The following CCDC163 variants were observed in gnomAD, a reference collection of about 807,000 sequenced individuals.
CCDC163 encodes the protein CCDC163 homolog.
In CCDC163, 13 loss-of-function variants were observed where a neutral mutation model predicts 8.2. That is an observed-to-expected ratio of 1.59 (90% CI 1.04 to 2.54). The LOEUF (loss-of-function observed/expected upper bound fraction) is 2.54, where lower values mean the gene tolerates loss of function less well. CCDC163 is among the 30% of genes most tolerant of loss of function. The pLI, the probability that CCDC163 is intolerant of heterozygous loss-of-function variation, is 0.00. For synonymous variants in CCDC163, 41 were observed against 30.9 expected (o/e 1.33, Z -1.08); for missense variants, 117 against 78.6 (o/e 1.49, Z -1.85).
chr1:45,498,014 C>G (rs1293580021), intron 2 of CCDC163, among the ~76,000 whole-genome samples: 1 of 149,738 alleles, frequency 6.7e-6, no homozygotes, highest in Non-Finnish European at 1.5e-5. Flanking sequence ...ACATGGGAGA[C>G]TTTTCATTTT....
Position 45,494,231 on chromosome 1 carries a change from G to C in CCDC163, c.*828C>G, listed in dbSNP as rs1288400303. On this transcript the variant is annotated 3_prime_UTR_variant, in exon 5 of 5. Coordinates refer to ENST00000629482, the MANE Select transcript of CCDC163 (RefSeq NM_001102601.3). ...AACACTTTGGGAGGCCAAAGTTGGTGGATCAGTTGAGCCCAGGAGTTCGAG... is the reference window on the plus strand; with the variant it reads ...AACACTTTGGGAGGCCAAAGTTGGTCGATCAGTTGAGCCCAGGAGTTCGAG... 6.6e-6 allele frequency: 1 copy of C among 152,110 alleles called. No homozygotes were observed. Among genetic ancestry groups the C allele is most frequent in the Non-Finnish European group, 1.5e-5 (1 of 68,052 alleles). 9.4% of individuals were successfully genotyped at this position (152,110 alleles called of 1,614,324 possible).
intron 2 of CCDC163, among the ~76,000 whole-genome samples, chr1:45,497,717 AGCCCCCCGCCAGGCCAGCCGCCCCGTCTG>A (rs1643371350): frequency 2.7e-5 from 1 of 36,936 alleles, no homozygotes; most frequent in Non-Finnish European, 5.3e-5. Context: ...GGAGGGGGTC[AGCCCCCCGCCAGGCCAGCCGCCCCGTCTG>A]GGAGGGAGGT....
chr1:45,497,855 C>T (rs61788334), intron 2 of CCDC163, among the ~76,000 whole-genome samples: 3 of 146,932 alleles, frequency 2.0e-5, no homozygotes, highest in African/African-American at 5.1e-5. Flanking sequence ...CCCCTCTGCC[C>T]GGCCACCACC....
At chr1:45,499,163 TCCAGGTCCCAG>T (rs1199814607) in intron 2 of CCDC163, among the ~76,000 whole-genome samples, 171 bp downstream of exon 2, 1 of 152,052 alleles carries the variant, frequency 6.6e-6, no homozygotes, top group African/African-American at 2.4e-5. Flanking sequence ...TGAGAGGAAA[TCCAGGTCCCAG>T]CCAGGTCCCC....
intron 2 of CCDC163, among the ~76,000 whole-genome samples, chr1:45,497,908 G>A (rs369829302): frequency 2.0e-5 from 3 of 147,284 alleles, no homozygotes; most frequent in Non-Finnish European, 4.5e-5. Context: ...GAACGGGCCA[G>A]GATGACAATG....
intron 4 of CCDC163, chr1:45,496,272 A>T (rs939556306): frequency 6.1e-6 from 3 of 495,512 alleles, no homozygotes; most frequent in South Asian, 5.9e-5. Flanking sequence ...CATCTGCCAG[A>T]TCATGGGCTC....
intron 2 of CCDC163, among the ~76,000 whole-genome samples, chr1:45,497,630 G>A (rs1481556384): frequency 4.8e-4 from 53 of 110,194 alleles, no homozygotes; most frequent in African/African-American, 6.5e-4. Context: ...CGAGACTGCA[G>A]CCTCTGCCCG....
intron 2 of CCDC163, among the ~76,000 whole-genome samples, chr1:45,497,693 T>A (rs1415079302): frequency 9.5e-5 from 5 of 52,650 alleles, no homozygotes; most frequent in East Asian, 4.4e-4. Context: ...AGCCACCCCG[T>A]CCGGGAGGGA....
In CCDC163 at chr1:45,495,405, T is replaced by C. The variant is rs1226905488; in HGVS notation, c.331-239A>G. 7 of 702,844 alleles carry C rather than the reference T, an allele frequency of 1.0e-5. No individual in the cohort carries two copies. The East Asian group carries it at 1.9e-4, about 19-fold the overall frequency. The allele number at this position is 702,844 out of a possible 1,614,324, so 43.5% of individuals were successfully genotyped here. ...GCCTCCCCCAAAACGGGAATCCTTG[T>C]CCTTATCCTTACCTGGCTTCCATAA... On this transcript the variant is annotated intron_variant, in intron 4 of 4. Transcript: ENST00000629482.
At chr1:45,498,255 G>C (rs1643414998) in intron 2 of CCDC163, among the ~76,000 whole-genome samples, 1 of 151,934 alleles carries the variant, frequency 6.6e-6, no homozygotes, top group African/African-American at 2.4e-5. Flanking sequence ...GAAGGCCGCA[G>C]GGTCCTCTGC....
In CCDC163 at chr1:45,499,740, C is replaced by T. The variant is rs1643490515; in HGVS notation, c.-131G>A. On this transcript the variant is annotated 5_prime_UTR_variant, in exon 1 of 5. Transcript: ENST00000629482. ...TGGAAAGAGGGAAGTGGGGATGCAA[C>T]ACTGGGGTAGGTGGATGCACTATCA... 3.1e-6 allele frequency: 2 copies of T among 645,384 alleles called. No individual in the cohort carries two copies. The highest frequency in any genetic ancestry group is 2.7e-5 in the East Asian group (1 of 36,856). 40.0% of individuals were successfully genotyped at this position (645,384 alleles called of 1,614,324 possible).
At chr1:45,498,977 C>T (rs1053331355) in intron 2 of CCDC163, among the ~76,000 whole-genome samples, 2 of 152,200 alleles carry the variant, frequency 1.3e-5, no homozygotes, top group African/African-American at 2.4e-5. Flanking sequence ...ATATACACAC[C>T]AAGGATTCCA....
intron 2 of CCDC163, 55 bp downstream of exon 2, chr1:45,499,290 T>C: frequency 1.4e-6 from 1 of 731,408 alleles, no homozygotes; most frequent in Non-Finnish European, 2.5e-6. Flanking sequence ...ATACGGGCAC[T>C]GGAGGAAGGC....
intron 4 of CCDC163, 52 bp from the exon 5 acceptor site, chr1:45,495,218 T>C: frequency 1.3e-6 from 1 of 780,278 alleles, no homozygotes; most frequent in Non-Finnish European, 2.4e-6. Flanking sequence ...AGCATTGTGA[T>C]ATGCATAGAA....
Position 45,494,012 on chromosome 1 carries a change from T to C in CCDC163, c.*1047A>G, listed in dbSNP as rs1653861106. 1 of 152,220 alleles carries C rather than the reference T, an allele frequency of 6.6e-6. No individual in the cohort carries two copies. The highest frequency in any genetic ancestry group is 1.9e-4 in the East Asian group (1 of 5,202). 9.4% of individuals were successfully genotyped at this position (152,220 alleles called of 1,614,324 possible). A position where few individuals can be genotyped will look rare whatever the true frequency, so the allele number is the denominator to read the frequency against. ...TAGGTCACAATGTAAATTGTATTTC[T>C]TACTGGAAGTCACAGCCAAAAAATT... On this transcript the variant is annotated 3_prime_UTR_variant, in exon 5 of 5. Transcript: ENST00000629482.
intron 2 of CCDC163, among the ~76,000 whole-genome samples, chr1:45,499,094 T>C (rs12042481): frequency 0.13 from 19,288 of 152,212 alleles, 1,374 homozygotes; most frequent in Non-Finnish European, 0.16. Context: ...TGTGGAACTA[T>C]GGGAGTCTCT....
In CCDC163 at chr1:45,496,577, C is replaced by T. The variant is rs1408854422; in HGVS notation, c.309G>A (p.Gln103=). ...CTACCTTCCAACTGCCAACCTGAGCCTGTCGTCCCTCAGCCAGCTGTTTCA... is the reference window on the plus strand; with the variant it reads ...CTACCTTCCAACTGCCAACCTGAGCTTGTCGTCCCTCAGCCAGCTGTTTCA... ...LLLKQLAEGR[Q]AQVGSWKIPR... The change falls in exon 4 of 5, where the codon CAG becomes CAA. Residue 103 remains glutamine, a synonymous_variant. Coordinates refer to ENST00000629482, the MANE Select transcript of CCDC163 (RefSeq NM_001102601.3). 2.6e-6 allele frequency: 2 copies of T among 780,688 alleles called. No homozygotes were observed. Among genetic ancestry groups the T allele is most frequent in the Non-Finnish European group, 4.8e-6 (2 of 417,932 alleles). The allele number at this position is 780,688 out of a possible 1,614,324, so 48.4% of individuals were successfully genotyped here.
At position 45,495,049 on chromosome 1, in the gene CCDC163, T is replaced by C. The variant is rs892995464; in HGVS notation, c.*10A>G. The C allele has an allele frequency of 1.2e-5, 9 of 780,616 alleles. No homozygotes were observed. Among genetic ancestry groups the C allele is most frequent in the Non-Finnish European group, 1.9e-5 (8 of 417,932 alleles). 48.4% of individuals were successfully genotyped at this position (780,616 alleles called of 1,614,324 possible). On this transcript the variant is annotated 3_prime_UTR_variant, in exon 5 of 5. Coordinates refer to ENST00000629482, the MANE Select transcript of CCDC163 (RefSeq NM_001102601.3). ...CATCCTACTATTCTTAACGAGTCCT[T>C]ACAGGTCATTCAGGAGCATTTTGGG...
intron 4 of CCDC163, among the ~76,000 whole-genome samples, chr1:45,495,724 C>T (rs531357380): frequency 1.9e-4 from 27 of 141,174 alleles, no homozygotes; most frequent in African/African-American, 5.0e-4. Context: ...TGGAGTGCAA[C>T]GGCATGATCT....
Sources: gnomAD v4.1 joint callset for allele counts (sites outside exome capture counted in the v4.1 genomes callset) on GRCh38, gnomAD v4.1.1 for gene constraint, MANE v1.5 for transcripts, NCBI Gene and HGNC (gene_info 2026-07-23, HGNC 2026-07-21) for gene names.